Variants in GABRG1 observed in about 807,000 individuals in gnomAD.
The protein encoded by GABRG1 is gamma-aminobutyric acid type A receptor subunit gamma1, also known as gamma-aminobutyric acid receptor subunit gamma-1.
In GABRG1, 49 loss-of-function variants were observed where a neutral mutation model predicts 49.8. That is an observed-to-expected ratio of 0.98 (90% CI 0.78 to 1.25). The LOEUF (loss-of-function observed/expected upper bound fraction) is 1.25, where lower values mean the gene tolerates loss of function less well. Among genes scored for constraint, GABRG1 ranks in the 50% most tolerant of loss-of-function variants. The pLI, the probability that GABRG1 is intolerant of heterozygous loss-of-function variation, is 0.00. For missense variants in GABRG1, 552 were observed against 552.3 expected (o/e 1.00, Z 0.01); for synonymous variants, 232 against 185.1 (o/e 1.25, Z -2.06).
rs200477225 is a variant in GABRG1 at position 46,065,555 on chromosome 4, T to C, written c.351A>G (p.Gln117=). The change falls in exon 4 of 9, where the codon CAA becomes CAG. Residue 117 remains glutamine, a synonymous_variant. Transcript: ENST00000295452. ...ATTTTAAACGACTGTCAAACCAGGTTTGGGCAAAAATTATATCTATTGTAT... is the reference window on the plus strand; with the variant it reads ...ATTTTAAACGACTGTCAAACCAGGTCTGGGCAAAAATTATATCTATTGTAT... ...MEYTIDIIFA[Q]TWFDSRLKFN... The C allele has an allele frequency of 9.5e-6, 15 of 1,575,528 alleles. No homozygotes were observed. The highest frequency in any genetic ancestry group is 1.7e-5 in the Admixed American group (1 of 59,838).
chr4:46,053,402 T>C (rs1001611414), intron 7 of GABRG1, among the ~76,000 whole-genome samples: 4 of 151,466 alleles, frequency 2.6e-5, no homozygotes, highest in African/African-American at 9.7e-5. Context: ...TAACTTTTTC[T>C]TGTAGTTCTA....
chr4:46,117,550 G>GTCTCTCTC (rs373546541), intron 1 of GABRG1, among the ~76,000 whole-genome samples: 1 of 116,676 alleles, frequency 8.6e-6, no homozygotes, highest in African/African-American at 3.0e-5. Flanking sequence ...TGTTATCTCT[G>GTCTCTCTC]TCTCTCTCTC....
chr4:46,107,261 CATT>C (rs1206868400), intron 1 of GABRG1, among the ~76,000 whole-genome samples: 1 of 151,060 alleles, frequency 6.6e-6, no homozygotes, highest in African/African-American at 2.4e-5. Flanking sequence ...ACTAGAAACT[CATT>C]ATAGTTTGCC....
At chr4:46,115,990 T>C (rs1348701151) in intron 1 of GABRG1, among the ~76,000 whole-genome samples, 7 of 150,910 alleles carry the variant, frequency 4.6e-5, no homozygotes, top group Admixed American at 1.3e-4. Context: ...CCTTTGGTTA[T>C]AGATTTGAAA....
intron 3 of GABRG1, among the ~76,000 whole-genome samples, chr4:46,066,858 A>G (rs1718936872): frequency 1.3e-5 from 2 of 150,952 alleles, no homozygotes; most frequent in South Asian, 2.1e-4. Context: ...TATATGTACT[A>G]TATATATTTA....
intron 8 of GABRG1, among the ~76,000 whole-genome samples, chr4:46,047,254 G>A (rs548705231): frequency 6.6e-6 from 1 of 152,074 alleles, no homozygotes; most frequent in East Asian, 1.9e-4. Context: ...TGGGACGTAT[G>A]CTAGTCTACT....
At chr4:46,089,239 A>C (rs1162248380) in intron 2 of GABRG1, among the ~76,000 whole-genome samples, 1 of 151,974 alleles carries the variant, frequency 6.6e-6, no homozygotes, top group East Asian at 1.9e-4. Context: ...TGAGCCATAT[A>C]CAATGCCTAT....
At chr4:46,104,550 T>G (rs1720475246) in intron 1 of GABRG1, among the ~76,000 whole-genome samples, 1 of 151,560 alleles carries the variant, frequency 6.6e-6, no homozygotes, top group African/African-American at 2.4e-5. Context: ...CATAATCCCT[T>G]TTTCCAATCT....
chr4:46,080,827 T>G (rs2109420697), intron 3 of GABRG1, among the ~76,000 whole-genome samples: 1 of 151,986 alleles, frequency 6.6e-6, no homozygotes, highest in Non-Finnish European at 1.5e-5. Context: ...CAGGCTTCTT[T>G]TCTCTAGGCA....
chr4:46,076,162 G>A (rs904556032), intron 3 of GABRG1, among the ~76,000 whole-genome samples: 5 of 151,386 alleles, frequency 3.3e-5, no homozygotes, highest in Non-Finnish European at 7.4e-5. Flanking sequence ...GAATCATGGA[G>A]GCTACCATTT....
chr4:46,085,951 A>G (rs1022280115), intron 2 of GABRG1, among the ~76,000 whole-genome samples: 3 of 151,628 alleles, frequency 2.0e-5, no homozygotes, highest in Admixed American at 1.3e-4. Flanking sequence ...TCTAAATAAC[A>G]TCTTGAAAGT....
In GABRG1 at chr4:46,108,058, T is replaced by A. The variant is rs188327314; in HGVS notation, c.105-10709A>T. ...TTTTAAATATTTGTCAGAAGGAACATTAGAAATACAGAAAAATTATTATAT... is the reference window on the plus strand; with the variant it reads ...TTTTAAATATTTGTCAGAAGGAACAATAGAAATACAGAAAAATTATTATAT... On this transcript the variant is annotated intron_variant, in intron 1 of 8. Coordinates refer to ENST00000295452, the MANE Select transcript of GABRG1 (RefSeq NM_173536.4). Among the ~76,000 whole-genome samples the A allele has an allele frequency of 2.6e-3, 397 of 151,294 alleles. 3 individuals carry two copies. The highest frequency in any genetic ancestry group is 0.01 in the Middle Eastern group (3 of 294).
intron 3 of GABRG1, among the ~76,000 whole-genome samples, chr4:46,067,039 G>A (rs1425501603): frequency 2.0e-5 from 3 of 151,612 alleles, no homozygotes; most frequent in Admixed American, 2.0e-4. Context: ...TTAGCAATTG[G>A]CCAATTTTCC....
At chr4:46,073,635 A>C (rs959600375) in intron 3 of GABRG1, among the ~76,000 whole-genome samples, 2 of 152,038 alleles carry the variant, frequency 1.3e-5, no homozygotes, top group Admixed American at 1.3e-4. Context: ...AATATACAAA[A>C]GATCCCCTTT....
intron 4 of GABRG1, among the ~76,000 whole-genome samples, 162 bp downstream of exon 4, chr4:46,065,202 A>T (rs1026461476): frequency 2.0e-5 from 3 of 152,152 alleles, no homozygotes; most frequent in African/African-American, 7.2e-5. Flanking sequence ...AACTGAGCTT[A>T]AAAAAGTATT....
chr4:46,099,035 T>C (rs182819617), intron 1 of GABRG1, among the ~76,000 whole-genome samples: 60 of 151,906 alleles, frequency 3.9e-4, no homozygotes, highest in Non-Finnish European at 7.2e-4. Flanking sequence ...GAATTTACTA[T>C]ATTATTTCAT....
chr4:46,096,955 A>T (rs1720184039), intron 2 of GABRG1, among the ~76,000 whole-genome samples: 1 of 151,748 alleles, frequency 6.6e-6, no homozygotes, highest in Admixed American at 6.6e-5. Flanking sequence ...AGGCAGTTTT[A>T]TCAAAACTCG....
intron 2 of GABRG1, among the ~76,000 whole-genome samples, chr4:46,088,610 A>G (rs1429568848): frequency 2.0e-5 from 3 of 151,938 alleles, no homozygotes; most frequent in Non-Finnish European, 4.4e-5. Context: ...AAGCATCTGG[A>G]AGCTTCATAA....
rs114775132 is a variant in GABRG1, at chr4:46,074,752, C to T, written c.322-9168G>A. On this transcript the variant is annotated intron_variant, in intron 3 of 8. Coordinates refer to ENST00000295452, the MANE Select transcript of GABRG1 (RefSeq NM_173536.4). ...GCCTTTGCTAGATATAAAAATAACA[C>T]ATTGAATAAGGGATAAGGTATTGTC... 4.6e-3 allele frequency among the ~76,000 whole-genome samples: 700 copies of T among 152,174 alleles called. 2 individuals carry two copies. The highest frequency in any genetic ancestry group is 0.016 in the African/African-American group (678 of 41,532).
Sources: allele counts gnomAD v4.1 joint callset (sites outside exome capture counted in the v4.1 genomes callset), GRCh38; gene constraint gnomAD v4.1.1; transcripts MANE v1.5; gene names NCBI Gene and HGNC (gene_info 2026-07-23, HGNC 2026-07-21).